PKNOX2: variants seen among roughly 807,000 people sequenced by gnomAD.
PKNOX2 encodes homeobox protein PKNOX2.
Under a neutral mutation model 53.1 loss-of-function variants are expected in PKNOX2, and 14 were observed. The ratio of observed to expected loss-of-function variants is 0.26; its 90% CI spans 0.17 to 0.41. The LOEUF (loss-of-function observed/expected upper bound fraction) is 0.41, where lower values mean the gene tolerates loss of function less well. PKNOX2 is among the 10% of genes least tolerant of loss of function. The pLI is 1.00. For missense variants in PKNOX2, 496 were observed against 602.8 expected (o/e 0.82, Z 1.85); for synonymous variants, 257 against 242.8 (o/e 1.06, Z -0.54).
At chr11:125,194,910 A>G (rs1282357670) in intron 1 of PKNOX2, among the ~76,000 whole-genome samples, 1 of 152,188 alleles carries the variant, frequency 6.6e-6, no homozygotes, top group African/African-American at 2.4e-5. Flanking sequence ...CAGCACTTCC[A>G]ACATGCCAGT....
intron 2 of PKNOX2, among the ~76,000 whole-genome samples, chr11:125,314,494 G>A (rs73023987): frequency 0.038 from 5,857 of 152,184 alleles, 122 homozygotes; most frequent in Non-Finnish European, 0.041. Flanking sequence ...CTGCTTCCCC[G>A]CATGCTTTTG....
intron 4 of PKNOX2, among the ~76,000 whole-genome samples, chr11:125,358,363 G>A (rs1951735392): frequency 6.6e-6 from 1 of 152,200 alleles, no homozygotes; most frequent in Non-Finnish European, 1.5e-5. Flanking sequence ...TCTTCCAGAG[G>A]GAAGCGATGG....
At chr11:125,356,417 A>G (rs1951618522) in intron 4 of PKNOX2, among the ~76,000 whole-genome samples, 2 of 152,264 alleles carry the variant, frequency 1.3e-5, no homozygotes, top group African/African-American at 4.8e-5. Context: ...GAGAAAAGAC[A>G]GGCAGTTAGA....
chr11:125,257,891 GA>G lies in PKNOX2; in HGVS notation c.-130+22778del, dbSNP rs143649073. ...TCATTAAGCCAGTGGCGTGGAGTAGGAAGCACTTTCCCTATAGCCTTAGTGA... is the reference window on the plus strand; with the variant it reads ...TCATTAAGCCAGTGGCGTGGAGTAGGAGCACTTTCCCTATAGCCTTAGTGA... On this transcript the variant is annotated intron_variant, in intron 2 of 12. Transcript: ENST00000298282. Among the ~76,000 whole-genome samples the G allele has an allele frequency of 3.7e-3, 568 of 152,292 alleles. 1 individual carries two copies. The highest frequency in any genetic ancestry group is 6.4e-3 in the Non-Finnish European group (433 of 68,020).
intron 7 of PKNOX2, among the ~76,000 whole-genome samples, chr11:125,407,071 C>T (rs149364002): frequency 6.6e-6 from 1 of 152,248 alleles, no homozygotes; most frequent in Non-Finnish European, 1.5e-5. Flanking sequence ...AAAACGTTGC[C>T]AGTCCCAGCC....
intron 1 of PKNOX2, among the ~76,000 whole-genome samples, chr11:125,234,640 C>G (rs1471773611): frequency 6.6e-6 from 1 of 152,254 alleles, no homozygotes; most frequent in East Asian, 1.9e-4. Context: ...TTCATAGGGA[C>G]CCTTCTGCTC....
intron 10 of PKNOX2, 44 bp downstream of exon 10, chr11:125,411,909 A>C: frequency 6.2e-7 from 1 of 1,612,034 alleles, no homozygotes; most frequent in Non-Finnish European, 8.5e-7. Flanking sequence ...GGCATGGGGT[A>C]TGAATAACCC....
chr11:125,224,495 C>G (rs1235954377), intron 1 of PKNOX2, among the ~76,000 whole-genome samples: 1 of 152,222 alleles, frequency 6.6e-6, no homozygotes, highest in Non-Finnish European at 1.5e-5. Context: ...GAGGCCGAGG[C>G]CTGTGCTGTG....
chr11:125,284,633 A>C (rs1475272216), intron 2 of PKNOX2, among the ~76,000 whole-genome samples: 1 of 152,214 alleles, frequency 6.6e-6, no homozygotes, highest in Non-Finnish European at 1.5e-5. Context: ...ATCACCGTCC[A>C]CACAGAGAAT....
intron 1 of PKNOX2, among the ~76,000 whole-genome samples, chr11:125,198,163 GAAA>G (rs1430915219): frequency 1.3e-5 from 2 of 152,208 alleles, no homozygotes; most frequent in African/African-American, 4.8e-5. Flanking sequence ...CTACTGACCA[GAAA>G]AGAGAGCAGC....
At chr11:125,409,776 A>C (rs1399299250) in intron 7 of PKNOX2, among the ~76,000 whole-genome samples, 2 of 152,106 alleles carry the variant, frequency 1.3e-5, no homozygotes, top group Non-Finnish European at 2.9e-5. Flanking sequence ...GGAGCTTTTA[A>C]TAACCCGGAG....
intron 1 of PKNOX2, among the ~76,000 whole-genome samples, chr11:125,216,173 T>A (rs533844932): frequency 6.6e-6 from 1 of 152,320 alleles, no homozygotes; most frequent in South Asian, 2.1e-4. Flanking sequence ...TCTCTTTTTG[T>A]CCTGCTCAAG....
chr11:125,215,738 C>T (rs976609223), intron 1 of PKNOX2, among the ~76,000 whole-genome samples: 15 of 149,900 alleles, frequency 1.0e-4, no homozygotes, highest in Admixed American at 7.3e-4. Context: ...GGCAACAGAG[C>T]GAGACTCTGT....
chr11:125,179,017 C>T (rs1955992138), intron 1 of PKNOX2, among the ~76,000 whole-genome samples: 1 of 152,134 alleles, frequency 6.6e-6, no homozygotes, highest in South Asian at 2.1e-4. Flanking sequence ...TCAAGCCTTG[C>T]CCTCTCCCGT....
intron 2 of PKNOX2, among the ~76,000 whole-genome samples, chr11:125,322,793 T>C (rs1285406139): frequency 6.6e-6 from 1 of 152,222 alleles, no homozygotes; most frequent in East Asian, 1.9e-4. Context: ...ATATTGATTA[T>C]TTTTGTGACC....
At chr11:125,320,249 T>C (rs1949443769) in intron 2 of PKNOX2, among the ~76,000 whole-genome samples, 1 of 152,150 alleles carries the variant, frequency 6.6e-6, no homozygotes, top group South Asian at 2.1e-4. Context: ...AGAAATAAGC[T>C]ATAGCCCTTG....
rs765547188 is a variant in PKNOX2, at chr11:125,410,820, G to C, written c.760G>C (p.Gly254Arg). The change falls in exon 9 of 13, where the codon GGT becomes CGT. Residue 254 changes from glycine (G) to arginine (R), a missense_variant. Transcript: ENST00000298282. ...ACCGGTTACCATGGTAACCTCCCAG[G>C]GTCAGGTGGTCACCCAAGCAATCCC... ...YQPVTMVTSQ[G>R]QVVTQAIPQG... 14 of 1,613,952 alleles carry C rather than the reference G, an allele frequency of 8.7e-6. No individual in the cohort carries two copies. The highest frequency in any genetic ancestry group is 1.7e-5 in the Admixed American group (1 of 59,992).
intron 4 of PKNOX2, among the ~76,000 whole-genome samples, chr11:125,360,386 A>T (rs527339697): frequency 6.6e-6 from 1 of 152,122 alleles, no homozygotes; most frequent in East Asian, 1.9e-4. Flanking sequence ...TTGCTTAGAA[A>T]CCAAGGTTTG....
Position 125,400,297 on chromosome 11 carries a change from G to A in PKNOX2, c.588+2235G>A, listed in dbSNP as rs75791233. Among the ~76,000 whole-genome samples the A allele has an allele frequency of 2.4e-3, 359 of 152,238 alleles. 3 individuals carry two copies. The highest frequency in any genetic ancestry group is 8.0e-3 in the African/African-American group (332 of 41,542). ...CCACCACCTGCTTTGTTCTGGCTTC[G>A]GGGGTAAATACGGTGATTACACATA... On this transcript the variant is annotated intron_variant, in intron 7 of 12. Coordinates refer to ENST00000298282, the MANE Select transcript of PKNOX2 (RefSeq NM_001382323.2).
Sources: allele counts gnomAD v4.1 joint callset (sites outside exome capture counted in the v4.1 genomes callset), GRCh38; gene constraint gnomAD v4.1.1; transcripts MANE v1.5; gene names NCBI Gene and HGNC (gene_info 2026-07-23, HGNC 2026-07-21).